Variants in KCNIP4 observed in about 807,000 individuals in gnomAD.
The protein encoded by KCNIP4 is potassium voltage-gated channel interacting protein 4, also known as Kv channel-interacting protein 4.
Under a neutral mutation model 34.0 loss-of-function variants are expected in KCNIP4, and 12 were observed. That is an observed-to-expected ratio of 0.35 (90% CI 0.23 to 0.57). KCNIP4 has a LOEUF of 0.57. KCNIP4 is among the 20% of genes least tolerant of loss of function. The pLI is 0.83. For missense variants in KCNIP4, 238 were observed against 311.7 expected (o/e 0.76, Z 1.78); for synonymous variants, 124 against 102.2 (o/e 1.21, Z -1.29).
intron 1 of KCNIP4, among the ~76,000 whole-genome samples, chr4:21,334,164 C>G (rs939285842): frequency 6.6e-6 from 1 of 151,988 alleles, no homozygotes; most frequent in Non-Finnish European, 1.5e-5. Context: ...ATCAAGGGTT[C>G]AAGTCTCTCC....
chr4:21,517,721 T>C (rs1307056154), intron 1 of KCNIP4, among the ~76,000 whole-genome samples: 1 of 152,152 alleles, frequency 6.6e-6, no homozygotes, highest in Admixed American at 6.6e-5. Flanking sequence ...ATTCATCAAG[T>C]ACTTGTTGAA....
At chr4:21,885,889 T>C (rs189970973) in intron 1 of KCNIP4, among the ~76,000 whole-genome samples, 6 of 152,280 alleles carry the variant, frequency 3.9e-5, no homozygotes, top group Admixed American at 3.3e-4. Context: ...ATATTCGCAC[T>C]GAAATCCAAA....
intron 1 of KCNIP4, among the ~76,000 whole-genome samples, chr4:21,252,001 T>TA (rs1345742132): frequency 2.0e-5 from 3 of 151,120 alleles, no homozygotes; most frequent in African/African-American, 7.3e-5. Context: ...CCCTAAAACT[T>TA]AAAGTATAAT....
intron 2 of KCNIP4, among the ~76,000 whole-genome samples, chr4:20,869,221 AT>A (rs1271687847): frequency 5.3e-5 from 8 of 152,032 alleles, no homozygotes; most frequent in African/African-American, 1.9e-4. Flanking sequence ...GCACTAAAAC[AT>A]TTATCCATCT....
At chr4:20,972,005 T>C (rs76473729) in intron 1 of KCNIP4, among the ~76,000 whole-genome samples, 3,642 of 152,296 alleles carry the variant, frequency 0.024, 155 homozygotes, top group African/African-American at 0.083. Flanking sequence ...GCTTTCTTTG[T>C]CCATCTAGAA....
At chr4:21,130,939 A>T (rs950739333) in intron 1 of KCNIP4, among the ~76,000 whole-genome samples, 5 of 152,186 alleles carry the variant, frequency 3.3e-5, no homozygotes, top group Non-Finnish European at 7.3e-5. Context: ...ACCCTTTTTA[A>T]ACTTACAAAA....
intron 3 of KCNIP4, among the ~76,000 whole-genome samples, chr4:20,814,116 G>C (rs1025989729): frequency 3.9e-5 from 6 of 152,126 alleles, no homozygotes; most frequent in African/African-American, 9.7e-5. Context: ...TGCTGGGAAG[G>C]GTCCCACAGC....
intron 1 of KCNIP4, among the ~76,000 whole-genome samples, chr4:21,172,664 A>G (rs1754099477): frequency 2.0e-5 from 3 of 152,188 alleles, no homozygotes; most frequent in Admixed American, 6.5e-5. Context: ...TTATTTGAGG[A>G]GATTCAATGT....
intron 1 of KCNIP4, among the ~76,000 whole-genome samples, chr4:21,598,169 A>T (rs1476231431): frequency 6.6e-6 from 1 of 152,136 alleles, no homozygotes; most frequent in Non-Finnish European, 1.5e-5. Context: ...ACAGTGTTGC[A>T]AGTACTTACT....
At chr4:21,119,729 T>G (rs1749994003) in intron 1 of KCNIP4, among the ~76,000 whole-genome samples, 1 of 152,034 alleles carries the variant, frequency 6.6e-6, no homozygotes, top group South Asian at 2.1e-4. Flanking sequence ...GACAGTTTTT[T>G]TTTTCTCCCT....
At chr4:21,520,590 A>C (rs1285225856) in intron 1 of KCNIP4, among the ~76,000 whole-genome samples, 1 of 152,244 alleles carries the variant, frequency 6.6e-6, no homozygotes, top group Non-Finnish European at 1.5e-5. Context: ...TAAGAAGTGA[A>C]CTCAGAACTT....
intron 3 of KCNIP4, among the ~76,000 whole-genome samples, chr4:20,769,012 C>G (rs941099156): frequency 2.0e-5 from 3 of 151,218 alleles, no homozygotes; most frequent in South Asian, 2.1e-4. Context: ...CAAAGGTTCT[C>G]TCCCCTTCAG....
At chr4:21,623,759 CTG>C (rs1745138265) in intron 1 of KCNIP4, among the ~76,000 whole-genome samples, 1 of 151,762 alleles carries the variant, frequency 6.6e-6, no homozygotes, top group Non-Finnish European at 1.5e-5. Context: ...TTACTACTTT[CTG>C]CCACCTACTA....
Position 21,529,388 on chromosome 4 carries a change from C to G in KCNIP4, c.61+419183G>C, listed in dbSNP as rs148695766. Among the ~76,000 whole-genome samples, 146 of 152,228 alleles carry G rather than the reference C, an allele frequency of 9.6e-4. 1 individual carries two copies. Among genetic ancestry groups the G allele is most frequent in the African/African-American group, 3.3e-3 (139 of 41,534 alleles). On this transcript the variant is annotated intron_variant, in intron 1 of 8. Transcript: ENST00000382152. ...ACCAAGGATATGTACAAGTTCCAGACAGTGGTTAAAGCACACTTCCTCAGG... is the reference window on the plus strand; with the variant it reads ...ACCAAGGATATGTACAAGTTCCAGAGAGTGGTTAAAGCACACTTCCTCAGG...
intron 1 of KCNIP4, among the ~76,000 whole-genome samples, chr4:21,407,445 GA>G (rs1724091166): frequency 6.6e-6 from 1 of 152,126 alleles, no homozygotes; most frequent in South Asian, 2.1e-4. Context: ...CATGAAGTAG[GA>G]AATTTGTCTC....
rs377562727 is a variant in KCNIP4 at position 21,147,939 on chromosome 4, C to CAAAAAAAAAAAAAAAAAAAAAAAA, written c.62-265231_62-265230insTTTTTTTTTTTTTTTTTTTTTTTT. The stretch of plus-strand genomic sequence containing the variant: ...GGACAACAAAAGTGAAACTCCGTCT[C>CAAAAAAAAAAAAAAAAAAAAAAAA]AAAAAAAAAAAAAAAAAAAAAGAAA... On this transcript the variant is annotated intron_variant, in intron 1 of 8. Coordinates refer to ENST00000382152, the MANE Select transcript of KCNIP4 (RefSeq NM_025221.6). Among the ~76,000 whole-genome samples, 23 of 31,016 alleles carry CAAAAAAAAAAAAAAAAAAAAAAAA rather than the reference C, an allele frequency of 7.4e-4. 1 individual carries two copies. Among genetic ancestry groups the CAAAAAAAAAAAAAAAAAAAAAAAA allele is most frequent in the East Asian group, 4.9e-3 (5 of 1,030 alleles). The allele number at this position is 31,016 out of a possible 152,430, so 20.3% of individuals were successfully genotyped here. A position where few individuals can be genotyped will look rare whatever the true frequency, so the allele number is the denominator to read the frequency against.
At chr4:20,799,025 GA>G (rs1157212806) in intron 3 of KCNIP4, among the ~76,000 whole-genome samples, 1 of 152,180 alleles carries the variant, frequency 6.6e-6, no homozygotes, top group African/African-American at 2.4e-5. Flanking sequence ...CTCTGGGGGT[GA>G]AACCCATTGC....
intron 1 of KCNIP4, among the ~76,000 whole-genome samples, chr4:20,964,878 G>GAAA (rs771559140): frequency 7.9e-5 from 12 of 152,114 alleles, no homozygotes; most frequent in Non-Finnish European, 1.6e-4. Context: ...TCTTTATTAT[G>GAAA]TTAGAAAATG....
intron 1 of KCNIP4, among the ~76,000 whole-genome samples, chr4:21,435,480 C>G (rs1726867897): frequency 6.6e-6 from 1 of 152,076 alleles, no homozygotes; most frequent in South Asian, 2.1e-4. Context: ...AGGTTTGAGT[C>G]TAATTGGGCT....
Sources: gnomAD v4.1 joint callset for allele counts (sites outside exome capture counted in the v4.1 genomes callset) on GRCh38, gnomAD v4.1.1 for gene constraint, MANE v1.5 for transcripts, NCBI Gene and HGNC (gene_info 2026-07-23, HGNC 2026-07-21) for gene names.